UACA: variants seen among roughly 807,000 people sequenced by gnomAD.
The protein encoded by UACA is nuclear membrane binding protein.
A neutral mutation model predicts 160.5 loss-of-function variants in UACA; 112 were observed. That is an observed-to-expected ratio of 0.70 (90% CI 0.60 to 0.82). The LOEUF (loss-of-function observed/expected upper bound fraction) is 0.82. Among genes scored for constraint, UACA ranks in the 40% least tolerant of loss-of-function variants. The pLI is 0.00. For missense variants in UACA, 1,574 were observed against 1,614.6 expected (o/e 0.97, Z 0.43); for synonymous variants, 557 against 568.4 (o/e 0.98, Z 0.29).
chr15:70,717,966 CA>C (rs1341950653), intron 1 of UACA, among the ~76,000 whole-genome samples: 2 of 151,532 alleles, frequency 1.3e-5, no homozygotes, highest in Non-Finnish European at 2.9e-5. Flanking sequence ...GCCTGCTCTA[CA>C]AATTTCAGAT....
the UACA span, among the ~76,000 whole-genome samples, chr15:70,769,123 C>T: frequency 2.6e-5 from 4 of 152,082 alleles, no homozygotes; most frequent in Admixed American, 2.6e-4. Context: ...CTTTGGGAGG[C>T]CGAGGCGGGC....
intron 1 of UACA, among the ~76,000 whole-genome samples, chr15:70,742,453 A>C (rs987693149): frequency 7.7e-4 from 118 of 152,364 alleles, no homozygotes; most frequent in African/African-American, 2.6e-3. Flanking sequence ...AGGAAAACAC[A>C]CAAGTTTTTC....
chr15:70,669,927 T>C (rs572854891), intron 15 of UACA, among the ~76,000 whole-genome samples: 88 of 152,218 alleles, frequency 5.8e-4, no homozygotes, highest in Non-Finnish European at 1.1e-3. Flanking sequence ...GATAATTTCA[T>C]AGAATTATAG....
chr15:70,663,958 A>G (rs1896814316), intron 17 of UACA, among the ~76,000 whole-genome samples: 1 of 152,120 alleles, frequency 6.6e-6, no homozygotes, highest in South Asian at 2.1e-4. Context: ...AACATGGTCC[A>G]TGTATACATA....
intron 9 of UACA, among the ~76,000 whole-genome samples, chr15:70,680,420 C>T (rs991433681): frequency 2.0e-5 from 3 of 151,932 alleles, no homozygotes; most frequent in African/African-American, 7.3e-5. Flanking sequence ...TTTAATTCTT[C>T]GAGATGATTT....
rs1897634905 is a variant in UACA, at chr15:70,684,446, T to C, written c.603A>G (p.Arg201=). The C allele has an allele frequency of 1.4e-5, 22 of 1,595,766 alleles. No individual in the cohort carries two copies. The highest frequency in any genetic ancestry group is 1.8e-5 in the Non-Finnish European group (21 of 1,174,336). The change falls in exon 8 of 19, where the codon AGA becomes AGG. Residue 201 remains arginine (R), a splice_region_variant and synonymous_variant. Coordinates refer to ENST00000322954, the MANE Select transcript of UACA (RefSeq NM_018003.4). The part of the protein sequence containing the change: ...ADVNSRDKQN[R]TALMLGCEYG... ...ATTCGCAACCTAGCATGAGGGCAGTTCTAAATGGAAAAATGGAAGAGCAAA... is the reference window on the plus strand; with the variant it reads ...ATTCGCAACCTAGCATGAGGGCAGTCCTAAATGGAAAAATGGAAGAGCAAA...
Position 70,740,047 on chromosome 15 carries a change from G to C in UACA, c.78+23283C>G, listed in dbSNP as rs1899480790. On this transcript the variant is annotated intron_variant, in intron 1 of 18. Transcript: ENST00000322954. ...ACAACAAATCAAAATATACCTTAGAGAACTTTTTTAAGTCAAAAAGTTAGA... is the reference window on the plus strand; with the variant it reads ...ACAACAAATCAAAATATACCTTAGACAACTTTTTTAAGTCAAAAAGTTAGA... 3.3e-5 allele frequency among the ~76,000 whole-genome samples: 5 copies of C among 152,268 alleles called. 1 individual carries two copies. The South Asian group carries it at 8.3e-4, about 25-fold the overall frequency.
rs1172990454 is a variant in UACA, at chr15:70,658,581, T to C, written c.4180-1454A>G. Among the ~76,000 whole-genome samples, 10 of 152,302 alleles carry C rather than the reference T, an allele frequency of 6.6e-5. No homozygotes were observed. The East Asian group carries it at 1.7e-3, about 26-fold the overall frequency. On this transcript the variant is annotated intron_variant, in intron 18 of 18. Coordinates refer to ENST00000322954, the MANE Select transcript of UACA (RefSeq NM_018003.4). ...CTCCCCCATTACTGATGAAACCAAG[T>C]ATCTTTTTTACATGCATGTTAGCCA...
chr15:70,668,598 G>T lies in UACA; in HGVS notation c.2086C>A (p.Gln696Lys), dbSNP rs557645324. 5 of 1,613,524 alleles carry T rather than the reference G, an allele frequency of 3.1e-6. No homozygotes were observed. The highest frequency in any genetic ancestry group is 2.5e-6 in the Non-Finnish European group (3 of 1,179,978). ...TTCTTCCCAAGTTCTCCTGATTTCT[G>T]TTCTAATCTGCTCTTAACCTGTTCA... ...EHEQVKSRLE[Q>K]KSGELGKKIT... The change falls in exon 16 of 19, where the codon CAG becomes AAG. Residue 696 changes from glutamine to lysine, a missense_variant. Transcript: ENST00000322954.
intron 1 of UACA, among the ~76,000 whole-genome samples, chr15:70,716,990 G>C (rs567705816): frequency 6.6e-6 from 1 of 152,286 alleles, no homozygotes; most frequent in Admixed American, 6.5e-5. Context: ...GGGAGGCCAA[G>C]GCGGGCAGAT....
chr15:70,760,385 G>A (rs1240722134), intron 1 of UACA, among the ~76,000 whole-genome samples: 1 of 152,074 alleles, frequency 6.6e-6, no homozygotes, highest in African/African-American at 2.4e-5. Context: ...CACAGCAAAT[G>A]CCACCATAAA....
chr15:70,698,803 G>A (rs750336888), intron 2 of UACA, among the ~76,000 whole-genome samples: 3 of 151,984 alleles, frequency 2.0e-5, no homozygotes, highest in Non-Finnish European at 4.4e-5. Context: ...AAGTATAGAG[G>A]GTCATAACAG....
rs1467797221 is a variant in UACA, at chr15:70,656,256, C to CTAATT, written c.*795_*799dup. The CTAATT allele has an allele frequency of 1.3e-5, 2 of 151,956 alleles. No homozygotes were observed. Among genetic ancestry groups the CTAATT allele is most frequent in the African/African-American group, 4.8e-5 (2 of 41,374 alleles). 9.4% of individuals were successfully genotyped at this position (151,956 alleles called of 1,614,324 possible). A position where few individuals can be genotyped will look rare whatever the true frequency, so the allele number is the denominator to read the frequency against. On this transcript the variant is annotated 3_prime_UTR_variant, in exon 19 of 19. Coordinates refer to ENST00000322954, the MANE Select transcript of UACA (RefSeq NM_018003.4). The stretch of plus-strand genomic sequence containing the variant: ...GGTTACTATAGTAGCGAATGTCAAA[C>CTAATT]TAATTGCTAAAAAAAGTCTAAAGGT...
At chr15:70,657,492 G>A (rs1018531771) in intron 18 of UACA, among the ~76,000 whole-genome samples, 3 of 152,090 alleles carry the variant, frequency 2.0e-5, no homozygotes, top group Non-Finnish European at 4.4e-5. Flanking sequence ...CTACTCGGGA[G>A]GCTGAGACAG....
intron 1 of UACA, among the ~76,000 whole-genome samples, chr15:70,740,734 G>T (rs186404124): frequency 1.3e-5 from 2 of 150,842 alleles, no homozygotes; most frequent in Non-Finnish European, 3.0e-5. Flanking sequence ...ACTTGCTAAC[G>T]CAGTAATACA....
At chr15:70,756,736 G>A (rs1168555976) in intron 1 of UACA, among the ~76,000 whole-genome samples, 1 of 152,166 alleles carries the variant, frequency 6.6e-6, no homozygotes, top group Non-Finnish European at 1.5e-5. Context: ...AGCCAGGCAT[G>A]GTGGCGGGCA....
chr15:70,757,699 T>C (rs559028126), intron 1 of UACA, among the ~76,000 whole-genome samples: 63 of 152,292 alleles, frequency 4.1e-4, no homozygotes, highest in African/African-American at 1.5e-3. Flanking sequence ...AAGTCAAGAG[T>C]TGTTTTTATT....
At chr15:70,724,227 T>C (rs1899082206) in intron 1 of UACA, among the ~76,000 whole-genome samples, 1 of 152,184 alleles carries the variant, frequency 6.6e-6, no homozygotes, top group South Asian at 2.1e-4. Context: ...TAAAGAATTC[T>C]TTCTAAACCT....
chr15:70,751,446 CT>C (rs1461375575), intron 1 of UACA, among the ~76,000 whole-genome samples: 1 of 152,196 alleles, frequency 6.6e-6, no homozygotes, highest in Admixed American at 6.5e-5. Context: ...TCTGGTAAGA[CT>C]TTTCAGTTAG....
Sources: allele counts gnomAD v4.1 joint callset (sites outside exome capture counted in the v4.1 genomes callset), GRCh38; gene constraint gnomAD v4.1.1; transcripts MANE v1.5; gene names NCBI Gene and HGNC (gene_info 2026-07-23, HGNC 2026-07-21).